LRRC4C: variants seen among roughly 807,000 people sequenced by gnomAD.
LRRC4C encodes leucine-rich repeat-containing protein 4C.
In LRRC4C, 5 loss-of-function variants were observed where a neutral mutation model predicts 33.6. That is an observed-to-expected ratio of 0.15 (90% CI 0.08 to 0.31). The LOEUF (loss-of-function observed/expected upper bound fraction) is 0.31, where lower values mean the gene tolerates loss of function less well. LRRC4C is among the 10% of genes least tolerant of loss of function. The pLI is 1.00. For synonymous variants in LRRC4C, 329 were observed against 302.0 expected (o/e 1.09, Z -0.93); for missense variants, 560 against 796.7 (o/e 0.70, Z 3.58).
At chr11:40,452,134 G>T (rs746584963) in intron 3 of LRRC4C, among the ~76,000 whole-genome samples, 60 of 152,108 alleles carry the variant, frequency 3.9e-4, no homozygotes, top group Non-Finnish European at 6.8e-4. Flanking sequence ...ACCAAAGGTA[G>T]ATAAAACCAC....
chr11:40,353,059 T>C lies in LRRC4C; in HGVS notation c.-269-33338A>G, dbSNP rs181308989. On this transcript the variant is annotated intron_variant, in intron 3 of 6. Transcript: ENST00000528697. Reference sequence around the variant, plus strand: ...ATTATTAAATGTATTGAGGTAGTCTTGTTTGGGTTAAATCTTCTTGGTGCT... The same window carrying C: ...ATTATTAAATGTATTGAGGTAGTCTCGTTTGGGTTAAATCTTCTTGGTGCT... Among the ~76,000 whole-genome samples the C allele has an allele frequency of 4.6e-4, 70 of 152,306 alleles. 2 individuals are homozygous for C. The highest frequency in any genetic ancestry group is 1.6e-3 in the African/African-American group (66 of 41,570).
intron 4 of LRRC4C, chr11:40,293,311 GCTCGGGGTGCCTTTCCTTC>G (rs1313855943): frequency 6.6e-6 from 1 of 151,192 alleles, no homozygotes; most frequent in Non-Finnish European, 1.5e-5. Flanking sequence ...TCTTTTTAAG[GCTCGGGGTGCCTTTCCTTC>G]CTCTGTCCCC....
chr11:41,200,931 A>G (rs542585732), intron 1 of LRRC4C, among the ~76,000 whole-genome samples: 15 of 152,328 alleles, frequency 9.8e-5, no homozygotes, highest in African/African-American at 3.6e-4. Context: ...TGAAGATGTG[A>G]TGAAGAAAAC....
At chr11:40,233,714 C>A (rs1865362161) in intron 5 of LRRC4C, among the ~76,000 whole-genome samples, 1 of 151,982 alleles carries the variant, frequency 6.6e-6, no homozygotes, top group Admixed American at 6.6e-5. Context: ...TGTTTAAAAG[C>A]ATTTAGTATT....
At chr11:40,795,399 G>T (rs770747105) in intron 2 of LRRC4C, among the ~76,000 whole-genome samples, 1 of 152,030 alleles carries the variant, frequency 6.6e-6, no homozygotes, top group African/African-American at 2.4e-5. Context: ...GCGTGGTGGC[G>T]GGTGCCTGTA....
chr11:40,977,966 G>T (rs751710181), intron 1 of LRRC4C, among the ~76,000 whole-genome samples: 1 of 152,140 alleles, frequency 6.6e-6, no homozygotes, highest in Non-Finnish European at 1.5e-5. Flanking sequence ...GGCAAACATT[G>T]AAATCTAACA....
chr11:40,546,990 CAGAT>C (rs1274741705), intron 3 of LRRC4C, among the ~76,000 whole-genome samples: 1 of 152,114 alleles, frequency 6.6e-6, no homozygotes, highest in East Asian at 1.9e-4. Flanking sequence ...GGGTTCGTTA[CAGAT>C]AGATAGTATT....
chr11:40,218,150 A>G (rs1414568162), intron 5 of LRRC4C, among the ~76,000 whole-genome samples: 2 of 152,194 alleles, frequency 1.3e-5, no homozygotes, highest in Admixed American at 6.6e-5. Context: ...GCAGTTTTAT[A>G]TAACTAATGT....
At chr11:40,305,303 G>A (rs1944976241) in intron 4 of LRRC4C, among the ~76,000 whole-genome samples, 1 of 152,166 alleles carries the variant, frequency 6.6e-6, no homozygotes, top group Non-Finnish European at 1.5e-5. Context: ...TATGAATGGA[G>A]TTGTCTACCT....
chr11:40,377,207 G>A (rs989909303), intron 3 of LRRC4C, among the ~76,000 whole-genome samples: 2 of 152,052 alleles, frequency 1.3e-5, no homozygotes, highest in African/African-American at 2.4e-5. Context: ...ATTCTTAGTA[G>A]AGTCTCATGA....
At chr11:40,726,402 C>G (rs922128566) in intron 2 of LRRC4C, among the ~76,000 whole-genome samples, 2 of 152,142 alleles carry the variant, frequency 1.3e-5, no homozygotes, top group Admixed American at 6.5e-5. Context: ...CAAAAGTTCT[C>G]AACAATTGCT....
intron 1 of LRRC4C, among the ~76,000 whole-genome samples, chr11:41,250,816 T>G (rs1452042627): frequency 6.6e-6 from 1 of 152,188 alleles, no homozygotes; most frequent in Non-Finnish European, 1.5e-5. Flanking sequence ...TCACTCATCA[T>G]TCTTGTTTTA....
At chr11:41,128,390 C>A (rs1036223234) in intron 1 of LRRC4C, among the ~76,000 whole-genome samples, 2 of 152,068 alleles carry the variant, frequency 1.3e-5, no homozygotes, top group African/African-American at 4.8e-5. Context: ...TCATTTTTAA[C>A]CACACAGGAC....
At chr11:41,404,537 C>CAG (rs1243431512) in intron 1 of LRRC4C, among the ~76,000 whole-genome samples, 1 of 95,404 alleles carries the variant, frequency 1.0e-5, no homozygotes, top group African/African-American at 4.7e-5. Context: ...GACACACAGA[C>CAG]ACACACACAC....
At chr11:40,780,335 T>TA (rs757015986) in intron 2 of LRRC4C, among the ~76,000 whole-genome samples, 1 of 152,144 alleles carries the variant, frequency 6.6e-6, no homozygotes, top group Non-Finnish European at 1.5e-5. Context: ...TACACAGGAA[T>TA]AAAAAGAAAA....
At chr11:40,556,381 C>G (rs892355349) in intron 3 of LRRC4C, among the ~76,000 whole-genome samples, 5 of 152,178 alleles carry the variant, frequency 3.3e-5, no homozygotes, top group African/African-American at 1.2e-4. Context: ...AAACTAGAGA[C>G]AGAATGTAGA....
chr11:40,438,836 AG>A (rs1346245141), intron 3 of LRRC4C, among the ~76,000 whole-genome samples: 4 of 152,006 alleles, frequency 2.6e-5, no homozygotes, highest in Non-Finnish European at 5.9e-5. Context: ...TCTATTCTTA[AG>A]TACTTTTTAT....
chr11:41,076,903 T>A (rs998394274), intron 1 of LRRC4C, among the ~76,000 whole-genome samples: 4 of 152,150 alleles, frequency 2.6e-5, no homozygotes, highest in Admixed American at 1.3e-4. Flanking sequence ...AGGGTACAAG[T>A]ATTGGGTAAA....
intron 3 of LRRC4C, among the ~76,000 whole-genome samples, chr11:40,519,260 T>TA (rs905155357): frequency 6.6e-6 from 1 of 152,000 alleles, no homozygotes; most frequent in Non-Finnish European, 1.5e-5. Context: ...AATAGTTTTT[T>TA]AAAAAAGAGA....
Sources: allele counts gnomAD v4.1 joint callset (sites outside exome capture counted in the v4.1 genomes callset), GRCh38; gene constraint gnomAD v4.1.1; transcripts MANE v1.5; gene names NCBI Gene and HGNC (gene_info 2026-07-23, HGNC 2026-07-21).